Variants in B3GALT1 observed in about 807,000 individuals in gnomAD.
B3GALT1 encodes the protein UDP-Gal:betaGlcNAc beta 1,3-galactosyltransferase, polypeptide 1.
In B3GALT1, 10 loss-of-function variants were observed where a neutral mutation model predicts 23.2. That is an observed-to-expected ratio of 0.43 (90% CI 0.27 to 0.73). B3GALT1 has a LOEUF of 0.73. Among genes scored for constraint, B3GALT1 ranks in the 30% least tolerant of loss-of-function variants. The pLI, the probability that B3GALT1 is intolerant of heterozygous loss-of-function variation, is 0.21. For synonymous variants in B3GALT1, 156 were observed against 141.5 expected, an observed-to-expected ratio of 1.10 and a Z score of -0.73; for missense variants, 299 against 405.4, an observed-to-expected ratio of 0.74 and a Z score of 2.25.
intron 2 of B3GALT1, among the ~76,000 whole-genome samples, chr2:167,569,160 T>A (rs1684240308): frequency 6.6e-6 from 1 of 151,946 alleles, no homozygotes; most frequent in African/African-American, 2.4e-5. Flanking sequence ...ATAATGTCAG[T>A]TCTCCAACTT....
intron 1 of B3GALT1, among the ~76,000 whole-genome samples, chr2:167,442,972 A>T (rs369388268): frequency 6.7e-6 from 1 of 150,266 alleles, no homozygotes; most frequent in East Asian, 1.9e-4. Context: ...CTGAATGGTA[A>T]TGCCTAGGTT....
intron 1 of B3GALT1, among the ~76,000 whole-genome samples, chr2:167,293,866 G>A (rs1280848906): frequency 2.0e-5 from 3 of 151,432 alleles, no homozygotes; most frequent in Non-Finnish European, 4.4e-5. Context: ...GGACTTCGGA[G>A]GGGAAGGGAA....
intron 1 of B3GALT1, among the ~76,000 whole-genome samples, chr2:167,488,747 C>A (rs1050538734): frequency 7.2e-5 from 11 of 152,172 alleles, no homozygotes; most frequent in African/African-American, 2.7e-4. Context: ...TGCTACATTT[C>A]TGTCAATTCC....
chr2:167,867,422 T>TTGG (rs1690256763), intron 4 of B3GALT1, among the ~76,000 whole-genome samples: 3 of 152,190 alleles, frequency 2.0e-5, no homozygotes, highest in African/African-American at 7.2e-5. Context: ...AAGGCCTAAC[T>TTGG]ATGCCTAGAG....
intron 1 of B3GALT1, among the ~76,000 whole-genome samples, chr2:167,408,059 CACACACACACACAG>C (rs1396890301): frequency 6.9e-4 from 92 of 133,210 alleles, no homozygotes; most frequent in African/African-American, 2.7e-3. Flanking sequence ...CACACACACA[CACACACACACACAG>C]ACACACAAAA....
At chr2:167,550,874 A>C (rs1683731848) in intron 2 of B3GALT1, among the ~76,000 whole-genome samples, 1 of 152,324 alleles carries the variant, frequency 6.6e-6, no homozygotes, top group South Asian at 2.1e-4. Context: ...CACCAATTTC[A>C]GTGACTTAAC....
chr2:167,659,969 G>A (rs1406966487), intron 3 of B3GALT1, among the ~76,000 whole-genome samples: 1 of 151,956 alleles, frequency 6.6e-6, no homozygotes. Flanking sequence ...CCAGTTTCAG[G>A]TCTGTTTGTC....
chr2:167,584,407 T>A (rs1489584432), intron 2 of B3GALT1, among the ~76,000 whole-genome samples: 3 of 152,154 alleles, frequency 2.0e-5, no homozygotes, highest in Admixed American at 1.3e-4. Flanking sequence ...AAACCCTACG[T>A]TTTTCCTATT....
chr2:167,454,874 C>T (rs1347606401), intron 1 of B3GALT1, among the ~76,000 whole-genome samples: 3 of 152,194 alleles, frequency 2.0e-5, no homozygotes, highest in African/African-American at 7.2e-5. Flanking sequence ...ATGCCTGCCA[C>T]TTTCCAGCCA....
At chr2:167,447,504 C>T (rs1699018783) in intron 1 of B3GALT1, among the ~76,000 whole-genome samples, 1 of 152,180 alleles carries the variant, frequency 6.6e-6, no homozygotes, top group Admixed American at 6.5e-5. Context: ...CTGTGGTGGG[C>T]TCCACCCAGT....
chr2:167,521,468 C>T (rs1700187273), intron 2 of B3GALT1, among the ~76,000 whole-genome samples: 1 of 151,992 alleles, frequency 6.6e-6, no homozygotes, highest in African/African-American at 2.4e-5. Flanking sequence ...TATGTACTTA[C>T]TTAACTAACT....
At chr2:167,845,908 C>CA (rs1431141703) in intron 4 of B3GALT1, among the ~76,000 whole-genome samples, 1 of 151,676 alleles carries the variant, frequency 6.6e-6, no homozygotes, top group African/African-American at 2.4e-5. Context: ...AACAAAAAAA[C>CA]AAAAAACAAA....
intron 1 of B3GALT1, among the ~76,000 whole-genome samples, chr2:167,371,858 T>C (rs1686026473): frequency 6.6e-6 from 1 of 151,906 alleles, no homozygotes; most frequent in Non-Finnish European, 1.5e-5. Context: ...AGAGGTAAAA[T>C]TTTTAGAAAA....
intron 3 of B3GALT1, among the ~76,000 whole-genome samples, chr2:167,747,850 A>G (rs1356303933): frequency 6.6e-6 from 1 of 152,204 alleles, no homozygotes; most frequent in Non-Finnish European, 1.5e-5. Context: ...TTTCAAAACA[A>G]ATGTGTAATT....
At chr2:167,555,493 C>G (rs1201109269) in intron 2 of B3GALT1, among the ~76,000 whole-genome samples, 1 of 152,152 alleles carries the variant, frequency 6.6e-6, no homozygotes, top group Non-Finnish European at 1.5e-5. Flanking sequence ...CTACTTGTCA[C>G]TGAATTACCA....
At chr2:167,454,596 AAATAAGCAAATAATGTCAACCTTGTT>A (rs1191792633) in intron 1 of B3GALT1, among the ~76,000 whole-genome samples, 5 of 152,144 alleles carry the variant, frequency 3.3e-5, no homozygotes, top group African/African-American at 1.2e-4. Context: ...TTGCTTATTT[AAATAAGCAAATAATGTCAACCTTGTT>A]CTCCTGGAAA....
intron 1 of B3GALT1, among the ~76,000 whole-genome samples, chr2:167,408,013 AAGACACACACAC>A (rs1698328806): frequency 1.6e-5 from 2 of 128,118 alleles, no homozygotes; most frequent in East Asian, 2.2e-4. Context: ...AAAGCAGGCA[AAGACACACACAC>A]ACACACACAC....
chr2:167,827,006 C>T (rs532507901), intron 4 of B3GALT1, among the ~76,000 whole-genome samples: 3 of 152,206 alleles, frequency 2.0e-5, no homozygotes, highest in East Asian at 3.9e-4. Flanking sequence ...AAATAAATCA[C>T]GTATTTTTCC....
chr2:167,444,845 T>C (rs1488923433), intron 1 of B3GALT1, among the ~76,000 whole-genome samples: 1 of 148,660 alleles, frequency 6.7e-6, no homozygotes, highest in Admixed American at 6.6e-5. Flanking sequence ...TTTTGAAGAG[T>C]TTTTTGTGTC....
Sources: allele counts gnomAD v4.1 joint callset (sites outside exome capture counted in the v4.1 genomes callset), GRCh38; gene constraint gnomAD v4.1.1; transcripts MANE v1.5; gene names NCBI Gene and HGNC (gene_info 2026-07-23, HGNC 2026-07-21).